The following CCDC178 variants were observed in gnomAD, a reference collection of about 807,000 sequenced individuals.
CCDC178 encodes coiled-coil domain containing 178.
Under a neutral mutation model 117.4 loss-of-function variants are expected in CCDC178, and 126 were observed. The ratio of observed to expected loss-of-function variants is 1.07; its 90% CI spans 0.93 to 1.24. The LOEUF is 1.24. CCDC178 is among the 50% of genes most tolerant of loss of function. The probability of loss-of-function intolerance (pLI) is 0.00; values close to 1 mark genes in which losing one functional copy is unlikely to be tolerated. For missense variants in CCDC178, 1,030 were observed against 986.9 expected (o/e 1.04, Z -0.59); for synonymous variants, 283 against 313.4 (o/e 0.90, Z 1.02).
intron 20 of CCDC178, among the ~76,000 whole-genome samples, chr18:33,199,848 T>G (rs1358937315): frequency 2.0e-5 from 3 of 152,194 alleles, no homozygotes; most frequent in Non-Finnish European, 2.9e-5. Context: ...GGCACTGTAC[T>G]CAGCTCCTCC....
chr18:33,096,918 A>G (rs376055309), intron 20 of CCDC178, among the ~76,000 whole-genome samples: 15 of 152,268 alleles, frequency 9.9e-5, no homozygotes, highest in South Asian at 8.3e-4. Context: ...TGTAGCAATG[A>G]TCTGAGACTT....
chr18:33,259,725 A>G (rs2059720019), intron 14 of CCDC178, among the ~76,000 whole-genome samples: 1 of 152,018 alleles, frequency 6.6e-6, no homozygotes, highest in South Asian at 2.1e-4. Context: ...GAGCCAAACC[A>G]TATCAGCTAC....
At chr18:32,975,341 GA>G (rs1484521336) in intron 21 of CCDC178, among the ~76,000 whole-genome samples, 1 of 152,126 alleles carries the variant, frequency 6.6e-6, no homozygotes, top group Admixed American at 6.5e-5. Context: ...GCGGTGTTAA[GA>G]AGTGACATGT....
chr18:33,402,004 T>A (rs1321626135), intron 3 of CCDC178, among the ~76,000 whole-genome samples: 1 of 152,170 alleles, frequency 6.6e-6, no homozygotes, highest in East Asian at 1.9e-4. Context: ...CTGGTATTAA[T>A]ATGTTGTGGT....
intron 21 of CCDC178, among the ~76,000 whole-genome samples, chr18:33,062,344 G>A (rs533505841): frequency 4.0e-4 from 61 of 152,252 alleles, no homozygotes; most frequent in Middle Eastern, 3.4e-3. Flanking sequence ...TTGACTTCAC[G>A]ATGGCTGAAT....
chr18:33,056,102 T>A (rs886830474), intron 21 of CCDC178, among the ~76,000 whole-genome samples: 3 of 152,148 alleles, frequency 2.0e-5, no homozygotes, highest in East Asian at 1.9e-4. Context: ...GCACCTGGCC[T>A]CAATGGAAGA....
At chr18:33,249,973 A>G (rs903102104) in intron 14 of CCDC178, among the ~76,000 whole-genome samples, 19 of 151,964 alleles carry the variant, frequency 1.3e-4, no homozygotes, top group Non-Finnish European at 2.4e-4. Context: ...CTCCTTGAAG[A>G]GTTCCTTCAC....
chr18:33,128,813 CT>C (rs2058038331), intron 20 of CCDC178, among the ~76,000 whole-genome samples: 1 of 152,064 alleles, frequency 6.6e-6, no homozygotes, highest in South Asian at 2.1e-4. Flanking sequence ...ATACAATTTT[CT>C]TTTTTTGTAA....
At chr18:33,005,634 A>G (rs1314035663) in intron 21 of CCDC178, among the ~76,000 whole-genome samples, 1 of 152,092 alleles carries the variant, frequency 6.6e-6, no homozygotes, top group Non-Finnish European at 1.5e-5. Flanking sequence ...TGACACAAAG[A>G]AAGGATAAAT....
At chr18:33,312,727 A>G (rs1193843412) in intron 11 of CCDC178, among the ~76,000 whole-genome samples, 1 of 152,214 alleles carries the variant, frequency 6.6e-6, no homozygotes, top group Non-Finnish European at 1.5e-5. Context: ...CATCAGACTC[A>G]GACTGTCATA....
chr18:33,431,829 T>C (rs1307020914), intron 2 of CCDC178, among the ~76,000 whole-genome samples: 1 of 152,180 alleles, frequency 6.6e-6, no homozygotes, highest in East Asian at 1.9e-4. Context: ...TAACAAGACT[T>C]TGTAGTTTTT....
At chr18:33,108,871 TA>T (rs1310740968) in intron 20 of CCDC178, among the ~76,000 whole-genome samples, 4 of 151,676 alleles carry the variant, frequency 2.6e-5, no homozygotes, top group African/African-American at 9.7e-5. Flanking sequence ...AAACTTTAGT[TA>T]GAAATGTTAT....
At chr18:33,360,940 GC>G (rs1293146136) in intron 6 of CCDC178, among the ~76,000 whole-genome samples, 1 of 151,516 alleles carries the variant, frequency 6.6e-6, no homozygotes, top group Non-Finnish European at 1.5e-5. Flanking sequence ...TAGATTTAAT[GC>G]CATGTCGATA....
At chr18:33,129,317 G>A (rs986517244) in intron 20 of CCDC178, among the ~76,000 whole-genome samples, 1 of 151,998 alleles carries the variant, frequency 6.6e-6, no homozygotes, top group Non-Finnish European at 1.5e-5. Flanking sequence ...ATATTAAAAG[G>A]ATTTAATGGG....
At chr18:33,227,235 A>G (rs2059313465) in intron 15 of CCDC178, among the ~76,000 whole-genome samples, 1 of 151,666 alleles carries the variant, frequency 6.6e-6, no homozygotes, top group Admixed American at 6.6e-5. Context: ...ATGCAAGTCA[A>G]GTGTGAAGTG....
At chr18:33,235,080 G>A (rs1464455678) in intron 15 of CCDC178, among the ~76,000 whole-genome samples, 3 of 152,122 alleles carry the variant, frequency 2.0e-5, no homozygotes, top group African/African-American at 4.8e-5. Context: ...TTACTCAAAG[G>A]ATGGGCCTAT....
intron 21 of CCDC178, among the ~76,000 whole-genome samples, chr18:33,042,245 A>G (rs1257133162): frequency 1.3e-5 from 2 of 151,952 alleles, no homozygotes; most frequent in African/African-American, 4.8e-5. Flanking sequence ...ACATGGCACA[A>G]TTAATAGTGA....
intron 14 of CCDC178, among the ~76,000 whole-genome samples, chr18:33,264,911 T>A (rs918388314): frequency 1.3e-5 from 2 of 152,036 alleles, no homozygotes; most frequent in African/African-American, 4.8e-5. Context: ...GGGGGTTGTG[T>A]GTTACTGCAG....
intron 20 of CCDC178, among the ~76,000 whole-genome samples, chr18:33,189,702 G>T (rs903213306): frequency 6.6e-6 from 1 of 152,102 alleles, no homozygotes; most frequent in African/African-American, 2.4e-5. Flanking sequence ...GAAGCAAAAC[G>T]TATTTTTTAA....
Sources: allele counts gnomAD v4.1 joint callset (sites outside exome capture counted in the v4.1 genomes callset), GRCh38; gene constraint gnomAD v4.1.1; transcripts MANE v1.5; gene names NCBI Gene and HGNC (gene_info 2026-07-23, HGNC 2026-07-21).